The following ERC2 variants were observed in gnomAD, a reference collection of about 807,000 sequenced individuals.
ERC2 encodes ERC protein 2.
In ERC2, 42 loss-of-function variants were observed where a neutral mutation model predicts 114.8. The ratio of observed to expected loss-of-function variants is 0.37; its 90% CI spans 0.29 to 0.47. The LOEUF is 0.47. Among genes scored for constraint, ERC2 ranks in the 20% least tolerant of loss-of-function variants. ERC2 has a pLI of 0.99. For synonymous variants in ERC2, 454 were observed against 425.5 expected (o/e 1.07, Z -0.82); for missense variants, 939 against 1,150.7 (o/e 0.82, Z 2.66).
chr3:56,301,578 C>T (rs1164870849), intron 2 of ERC2, among the ~76,000 whole-genome samples: 1 of 152,050 alleles, frequency 6.6e-6, no homozygotes. Flanking sequence ...AGTTTCAAAA[C>T]TCATTTACCA....
intron 3 of ERC2, among the ~76,000 whole-genome samples, chr3:56,255,935 T>G (rs1295592187): frequency 6.6e-6 from 1 of 152,226 alleles, no homozygotes; most frequent in Non-Finnish European, 1.5e-5. Flanking sequence ...AAGCTGCATT[T>G]GACAAGATTC....
chr3:56,170,605 T>TTTTTG (rs2082605144), intron 4 of ERC2, among the ~76,000 whole-genome samples: 1 of 141,298 alleles, frequency 7.1e-6, no homozygotes, highest in Non-Finnish European at 1.5e-5. Flanking sequence ...TTTTTTTTTT[T>TTTTTG]TTTTTTTTTG....
intron 17 of ERC2, among the ~76,000 whole-genome samples, chr3:55,607,292 G>A (rs563875622): frequency 1.2e-4 from 19 of 152,320 alleles, no homozygotes; most frequent in Middle Eastern, 3.4e-3. Flanking sequence ...CAGACTGGGG[G>A]TGAGTGGTCA....
chr3:56,209,751 T>C (rs1481239292), intron 3 of ERC2, among the ~76,000 whole-genome samples: 1 of 152,138 alleles, frequency 6.6e-6, no homozygotes, highest in Non-Finnish European at 1.5e-5. Context: ...TAAGCGCAAA[T>C]AGCATCCTCC....
At chr3:55,560,988 G>A (rs2055976650) in intron 17 of ERC2, among the ~76,000 whole-genome samples, 2 of 151,936 alleles carry the variant, frequency 1.3e-5, no homozygotes, top group Non-Finnish European at 2.9e-5. Context: ...GCCTTTTTGG[G>A]GAGGGCCCTC....
intron 3 of ERC2, among the ~76,000 whole-genome samples, chr3:56,276,737 T>C (rs1191844609): frequency 6.6e-6 from 1 of 152,162 alleles, no homozygotes; most frequent in Non-Finnish European, 1.5e-5. Flanking sequence ...AGTGCAGGGG[T>C]GTCCAATCTT....
intron 2 of ERC2, among the ~76,000 whole-genome samples, chr3:56,421,950 A>G (rs1312714876): frequency 6.6e-6 from 1 of 152,178 alleles, no homozygotes; most frequent in African/African-American, 2.4e-5. Flanking sequence ...AAAAGAACAA[A>G]AAAGATATTT....
chr3:56,359,740 C>A (rs1323058255), intron 2 of ERC2, among the ~76,000 whole-genome samples: 1 of 152,230 alleles, frequency 6.6e-6, no homozygotes, highest in East Asian at 1.9e-4. Flanking sequence ...TAGAAGATTC[C>A]ACCCATGGGG....
chr3:56,138,822 C>A (rs939763986), intron 6 of ERC2, among the ~76,000 whole-genome samples: 2 of 152,106 alleles, frequency 1.3e-5, no homozygotes, highest in Non-Finnish European at 2.9e-5. Flanking sequence ...TCTTAGCAGA[C>A]CCAAAGATGT....
intron 7 of ERC2, among the ~76,000 whole-genome samples, chr3:56,040,905 C>G (rs1051874006): frequency 4.0e-5 from 6 of 151,438 alleles, no homozygotes; most frequent in African/African-American, 1.5e-4. Context: ...ATTGATCTGT[C>G]TTCAAGTTCA....
intron 6 of ERC2, among the ~76,000 whole-genome samples, chr3:56,085,613 G>A (rs1000295712): frequency 4.6e-5 from 7 of 152,208 alleles, no homozygotes; most frequent in African/African-American, 1.4e-4. Flanking sequence ...GCCCATTTTT[G>A]TTTAAAGTTA....
chr3:55,572,346 A>G (rs1217756312), intron 17 of ERC2, among the ~76,000 whole-genome samples: 1 of 152,152 alleles, frequency 6.6e-6, no homozygotes, highest in Non-Finnish European at 1.5e-5. Flanking sequence ...CCCAAGGGTG[A>G]GAATTTGATG....
intron 7 of ERC2, among the ~76,000 whole-genome samples, chr3:56,065,325 C>T (rs924136487): frequency 7.9e-5 from 12 of 152,010 alleles, no homozygotes; most frequent in African/African-American, 2.7e-4. Context: ...CGGACTCAAG[C>T]AATCCTCCCA....
chr3:55,959,130 C>A (rs1003206383), intron 12 of ERC2, among the ~76,000 whole-genome samples: 4 of 152,212 alleles, frequency 2.6e-5, no homozygotes, highest in Admixed American at 1.3e-4. Flanking sequence ...TCTACTCCCC[C>A]ACTTCACTCA....
intron 12 of ERC2, among the ~76,000 whole-genome samples, chr3:55,958,680 G>A (rs1018983263): frequency 6.6e-6 from 1 of 152,244 alleles, no homozygotes; most frequent in African/African-American, 2.4e-5. Context: ...GAGGGCCGAG[G>A]CAACAGGAAG....
At chr3:56,285,473 G>A (rs951450728) in intron 3 of ERC2, among the ~76,000 whole-genome samples, 3 of 152,050 alleles carry the variant, frequency 2.0e-5, no homozygotes, top group Admixed American at 1.3e-4. Flanking sequence ...ACCTTGCTGA[G>A]ACTGAAAATC....
intron 14 of ERC2, among the ~76,000 whole-genome samples, chr3:55,886,161 A>T (rs1032570364): frequency 6.6e-6 from 1 of 152,242 alleles, no homozygotes; most frequent in African/African-American, 2.4e-5. Context: ...ACAGGAAAGA[A>T]TACAGGCTGA....
rs1365978169 is a variant in ERC2, at chr3:55,847,229, G to A, written c.2564+41160C>T. On this transcript the variant is annotated intron_variant, in intron 14 of 17. Transcript: ENST00000288221. ...ATGGGAGAACTTTACAGGCTTATAAGTTATAAACCTATAAAGCTTTTCCCA... is the reference window on the plus strand; with the variant it reads ...ATGGGAGAACTTTACAGGCTTATAAATTATAAACCTATAAAGCTTTTCCCA... Among the ~76,000 whole-genome samples, 6 of 152,256 alleles carry A rather than the reference G, an allele frequency of 3.9e-5. No individual in the cohort carries two copies. The East Asian group carries it at 1.2e-3, about 29-fold the overall frequency.
intron 17 of ERC2, among the ~76,000 whole-genome samples, chr3:55,523,791 A>G (rs2053125541): frequency 6.6e-6 from 1 of 152,202 alleles, no homozygotes; most frequent in African/African-American, 2.4e-5. Context: ...ATGGTAACAC[A>G]CATTTATCAA....
Sources: allele counts gnomAD v4.1 joint callset (sites outside exome capture counted in the v4.1 genomes callset), GRCh38; gene constraint gnomAD v4.1.1; transcripts MANE v1.5; gene names NCBI Gene and HGNC (gene_info 2026-07-23, HGNC 2026-07-21).